The following METTL8 variants were observed in gnomAD, a reference collection of about 807,000 sequenced individuals.
The protein encoded by METTL8 is methyltransferase 8, tRNA N3-cytidine.
In METTL8, 32 loss-of-function variants were observed where a neutral mutation model predicts 48.7. The ratio of observed to expected loss-of-function variants is 0.66; its 90% CI spans 0.50 to 0.88. METTL8 has a LOEUF of 0.88. Ranked by LOEUF, METTL8 falls within the 40% of genes least tolerant of loss-of-function variation. The pLI is 0.00. For missense variants in METTL8, 464 were observed against 474.4 expected (o/e 0.98, Z 0.20); for synonymous variants, 136 against 157.1 (o/e 0.87, Z 1.01).
intron 1 of METTL8, among the ~76,000 whole-genome samples, chr2:171,429,622 G>T (rs1692776840): frequency 1.3e-5 from 2 of 152,062 alleles, no homozygotes; most frequent in Admixed American, 6.6e-5. Context: ...AAATTAAAAA[G>T]ACAAAAAACA....
chr2:171,400,855 A>AT (rs1423013465), intron 1 of METTL8, among the ~76,000 whole-genome samples: 1 of 152,196 alleles, frequency 6.6e-6, no homozygotes, highest in African/African-American at 2.4e-5. Flanking sequence ...GTGTGAATCT[A>AT]TAACGATTAT....
chr2:171,400,975 C>T (rs1225857227), intron 1 of METTL8, among the ~76,000 whole-genome samples: 1 of 152,118 alleles, frequency 6.6e-6, no homozygotes, highest in Non-Finnish European at 1.5e-5. Context: ...TGCTATTAAC[C>T]ATACACTAAA....
At chr2:171,373,575 T>A (rs1172349225) in intron 2 of METTL8, among the ~76,000 whole-genome samples, 2 of 152,234 alleles carry the variant, frequency 1.3e-5, no homozygotes, top group Non-Finnish European at 2.9e-5. Flanking sequence ...TCCTGAATGG[T>A]ATTGCCTAGG....
At chr2:171,407,323 C>T (rs1182815661) in intron 1 of METTL8, among the ~76,000 whole-genome samples, 2 of 151,504 alleles carry the variant, frequency 1.3e-5, no homozygotes, top group Non-Finnish European at 2.9e-5. Flanking sequence ...CAGGGCAAGA[C>T]CCGGACTCTA....
intron 3 of METTL8, among the ~76,000 whole-genome samples, chr2:171,358,324 C>T (rs888454305): frequency 6.7e-6 from 1 of 149,810 alleles, no homozygotes; most frequent in Non-Finnish European, 1.5e-5. Context: ...GCACTCCAGC[C>T]TGGGCAACAG....
At chr2:171,370,567 A>G (rs1191862322) in intron 2 of METTL8, among the ~76,000 whole-genome samples, 7 of 152,106 alleles carry the variant, frequency 4.6e-5, no homozygotes, top group Non-Finnish European at 1.0e-4. Flanking sequence ...CGAGGTGGGC[A>G]GATCATGAGG....
chr2:171,345,859 T>G lies in METTL8; in HGVS notation c.236-6305A>C, dbSNP rs546890990. On this transcript the variant is annotated intron_variant, in intron 3 of 9. Transcript: ENST00000375258. ...AATTATAAAATATAATTATGTTAAC[T>G]CAAAAATTGCCAAATGTATCTTTCA... 4.1e-4 allele frequency among the ~76,000 whole-genome samples: 62 copies of G among 152,314 alleles called. 1 individual carries two copies. The highest frequency in any genetic ancestry group is 1.5e-3 in the African/African-American group (61 of 41,574).
intron 1 of METTL8, among the ~76,000 whole-genome samples, chr2:171,409,508 T>TA (rs1243348847): frequency 6.6e-6 from 1 of 152,102 alleles, no homozygotes; most frequent in Non-Finnish European, 1.5e-5. Context: ...AATCAAGTCT[T>TA]ACTTTCTGCA....
intron 1 of METTL8, among the ~76,000 whole-genome samples, chr2:171,400,580 A>G (rs1215617187): frequency 6.6e-6 from 1 of 152,156 alleles, no homozygotes; most frequent in Non-Finnish European, 1.5e-5. Flanking sequence ...TCATATTACT[A>G]TATGTGCTGA....
Position 171,339,167 on chromosome 2 carries a change from TCCC to T in METTL8, c.606+14_606+16del. Reference sequence around the variant, plus strand: ...AATTATTTGTCACCTCCCATTTTTGTCCCTTGAGCACAATACCTCTAGTATCCT... The same window carrying T: ...AATTATTTGTCACCTCCCATTTTTGTTTGAGCACAATACCTCTAGTATCCT... On this transcript the variant is annotated intron_variant, in intron 4 of 9. Transcript: ENST00000375258. 7.0e-7 allele frequency: 1 copy of T among 1,429,290 alleles called. No individual in the cohort carries two copies. Among genetic ancestry groups the T allele is most frequent in the Non-Finnish European group, 9.2e-7 (1 of 1,082,988 alleles). 88.5% of individuals were successfully genotyped at this position (1,429,290 alleles called of 1,614,324 possible). A position where few individuals can be genotyped will look rare whatever the true frequency, so the allele number is the denominator to read the frequency against.
At chr2:171,365,584 C>T (rs1246480359) in intron 2 of METTL8, among the ~76,000 whole-genome samples, 2 of 152,144 alleles carry the variant, frequency 1.3e-5, no homozygotes, top group African/African-American at 4.8e-5. Flanking sequence ...AATCTGGGTA[C>T]CCGCCAGGTG....
chr2:171,371,483 A>G (rs188506164), intron 2 of METTL8, among the ~76,000 whole-genome samples: 23 of 152,224 alleles, frequency 1.5e-4, no homozygotes, highest in African/African-American at 4.6e-4. Context: ...CAGCCTCCTG[A>G]GTAGCTGGGA....
At chr2:171,425,208 T>C (rs1296174133) in intron 1 of METTL8, among the ~76,000 whole-genome samples, 1 of 152,224 alleles carries the variant, frequency 6.6e-6, no homozygotes, top group Non-Finnish European at 1.5e-5. Flanking sequence ...TTACCCAGTC[T>C]CAGGTATGTC....
At chr2:171,418,935 A>T (rs916311544) in intron 1 of METTL8, among the ~76,000 whole-genome samples, 1 of 151,940 alleles carries the variant, frequency 6.6e-6, no homozygotes, top group Non-Finnish European at 1.5e-5. Context: ...AGCCTGGGTG[A>T]CTATACTCCA....
Position 171,317,033 on chromosome 2 carries a change from C to G in METTL8, c.*7139G>C, listed in dbSNP as rs1684295605. Among the ~76,000 whole-genome samples the G allele has an allele frequency of 6.6e-6, 1 of 152,182 alleles. No homozygotes were observed. Among genetic ancestry groups the G allele is most frequent in the African/African-American group, 2.4e-5 (1 of 41,442 alleles). ...GAGGCAGAAGGTGAGAGAAATGAGG[C>G]AGCAATTACATAGTGTTGCTTGTGC... On this transcript the variant is annotated 3_prime_UTR_variant, in exon 10 of 10. Coordinates refer to ENST00000375258, the MANE Select transcript of METTL8 (RefSeq NM_001321154.2).
chr2:171,346,447 C>T (rs1053941583), intron 3 of METTL8, among the ~76,000 whole-genome samples: 3 of 152,154 alleles, frequency 2.0e-5, no homozygotes, highest in Non-Finnish European at 4.4e-5. Flanking sequence ...GACTTCAGTT[C>T]TCACCAACAG....
At chr2:171,374,902 C>A in intron 2 of METTL8, 1 of 1,094,530 alleles carries the variant, frequency 9.1e-7, no homozygotes, top group Non-Finnish European at 1.4e-6. Flanking sequence ...AGAGAATAGT[C>A]TGTCTTCAGT....
intron 1 of METTL8, among the ~76,000 whole-genome samples, chr2:171,403,252 G>A (rs984721614): frequency 3.9e-5 from 6 of 152,088 alleles, no homozygotes; most frequent in African/African-American, 1.2e-4. Context: ...AGGTTAACAC[G>A]AACAGTGATA....
intron 1 of METTL8, among the ~76,000 whole-genome samples, chr2:171,407,339 G>A (rs557802294): frequency 1.9e-4 from 29 of 151,820 alleles, no homozygotes; most frequent in Admixed American, 1.3e-3. Context: ...CTCTAAAAGC[G>A]GGGGGGAAAT....
Sources: allele counts gnomAD v4.1 joint callset (sites outside exome capture counted in the v4.1 genomes callset), GRCh38; gene constraint gnomAD v4.1.1; transcripts MANE v1.5; gene names NCBI Gene and HGNC (gene_info 2026-07-23, HGNC 2026-07-21).